Variants in PGAM2 observed in about 807,000 individuals in gnomAD.
PGAM2 encodes the protein phosphoglycerate mutase 2.
In PGAM2, 23 loss-of-function variants were observed where a neutral mutation model predicts 22.5. The ratio of observed to expected loss-of-function variants is 1.02; its 90% CI spans 0.74 to 1.45. The LOEUF (loss-of-function observed/expected upper bound fraction) is 1.45, where lower values mean the gene tolerates loss of function less well. Among genes scored for constraint, PGAM2 ranks in the 40% most tolerant of loss-of-function variants. The pLI is 0.00. For synonymous variants in PGAM2, 133 were observed against 138.6 expected, an observed-to-expected ratio of 0.96 and a Z score of 0.29; for missense variants, 349 against 356.2, an observed-to-expected ratio of 0.98 and a Z score of 0.16.
At chr7:44,064,618 G>A in intron 2 of PGAM2, 1 of 589,652 alleles carries the variant, frequency 1.7e-6, no homozygotes, top group Non-Finnish European at 3.0e-6. Context: ...AGCTTCGAGT[G>A]CAGTCAGCCC....
At position 44,064,946 on chromosome 7, in the gene PGAM2, C is replaced by A; in HGVS notation, c.481G>T (p.Ala161Ser). 1 of 1,609,484 alleles carries A rather than the reference C, an allele frequency of 6.2e-7. No homozygotes were observed. The highest frequency in any genetic ancestry group is 1.1e-5 in the South Asian group (1 of 90,818). ...PTCESLKDTI[A>S]RALPFWNEEI... ...TCGTTCCAGAAGGGCAGGGCCCGGG[C>A]AATGGTGTCCTTGAGGCTCTCGCAG... Residue 161 changes from alanine to serine, a missense_variant, in exon 2 of 3, where the codon GCC becomes TCC. Ala to Ser is a moderately conservative substitution (Grantham distance 99). Transcript: ENST00000297283.
chr7:44,064,792 T>TTG, intron 2 of PGAM2, 40 bp downstream of exon 2: 96 of 1,279,244 alleles, frequency 7.5e-5, no homozygotes, highest in Admixed American at 7.6e-5. Flanking sequence ...CTGGGGCTGC[T>TTG]GCCCACCCAC....
rs1437914746 is a variant in PGAM2 at position 44,065,439 on chromosome 7, T to A, written c.91A>T (p.Ser31Cys). The A allele has an allele frequency of 6.2e-7, 1 of 1,614,084 alleles. No homozygotes were observed. The highest frequency in any genetic ancestry group is 1.1e-5 in the South Asian group (1 of 91,086). ...RFCGWFDAEL[S>C]EKGTEEAKRG... is the part of the protein sequence containing the mutation. The stretch of plus-strand genomic sequence containing the variant: ...TTGGCCTCCTCGGTCCCCTTTTCAC[T>A]CAGCTCTGCATCGAACCAGCCACAG... The change falls in exon 1 of 3, where the codon AGT becomes TGT. Residue 31 changes from serine to cysteine, a missense_variant. Physicochemically the swap from Ser to Cys is moderately radical, Grantham distance 112. Coordinates refer to ENST00000297283, the MANE Select transcript of PGAM2 (RefSeq NM_000290.4).
rs912543676 is a variant in PGAM2, at chr7:44,062,841, G to A, written c.685C>T (p.Pro229Ser). The change falls in exon 3 of 3, where the codon CCC (proline) becomes TCC (serine). Residue 229 changes from proline to serine, a missense_variant. Physicochemically the swap from Pro to Ser is moderately conservative, Grantham distance 74. Transcript: ENST00000297283. Reference protein sequence around the residue: ...ELNKELKPTKPMQFLGDEETV... With the variant: ...ELNKELKPTKSMQFLGDEETV... Reference sequence around the variant, plus strand: ...TCCTCATCACCCAGGAACTGCATGGGCTTGGTGGGCTTCAGCTCCTTGTTC... The same window carrying A: ...TCCTCATCACCCAGGAACTGCATGGACTTGGTGGGCTTCAGCTCCTTGTTC... The A allele has an allele frequency of 3.1e-6, 5 of 1,614,100 alleles. No homozygotes were observed. In the African/African-American group the frequency reaches 6.7e-5, roughly 22 times the overall value.
At chr7:44,064,794 C>T (rs1324246092) in intron 2 of PGAM2, 38 bp downstream of exon 2, 8 of 526,640 alleles carry the variant, frequency 1.5e-5, no homozygotes, top group Non-Finnish European at 2.6e-5. Context: ...GGGGCTGCTG[C>T]CCACCCACCC....
Position 44,065,115 on chromosome 7 carries a change from C to T in PGAM2, c.414+1G>A. 6.2e-7 allele frequency: 1 copy of T among 1,613,866 alleles called. No individual in the cohort carries two copies. Among genetic ancestry groups the T allele is most frequent in the South Asian group, 1.1e-5 (1 of 91,092 alleles). ...AGGCCTTCCCAGCAAAGGCAGCCCACCTTGCTAATGGAGTTGTAGTAGGGG... is the reference window on the plus strand; with the variant it reads ...AGGCCTTCCCAGCAAAGGCAGCCCATCTTGCTAATGGAGTTGTAGTAGGGG... On this transcript the variant is annotated splice_donor_variant, in intron 1 of 2. Coordinates refer to ENST00000297283, the MANE Select transcript of PGAM2 (RefSeq NM_000290.4). LOFTEE classifies it high-confidence loss of function.
intron 2 of PGAM2, chr7:44,063,550 G>A (rs2096153185): frequency 1.2e-5 from 2 of 167,258 alleles, no homozygotes; most frequent in South Asian, 2.8e-4. Flanking sequence ...AAAGTGCTGG[G>A]ATTACAGGAG....
chr7:44,064,776 A>C, intron 2 of PGAM2, 56 bp downstream of exon 2: 1 of 1,459,578 alleles, frequency 6.9e-7, no homozygotes, highest in East Asian at 2.4e-5. Flanking sequence ...TGAGATGAGA[A>C]GCCAGCTGGG....
At chr7:44,063,186 G>A in intron 2 of PGAM2, 2 of 537,764 alleles carry the variant, frequency 3.7e-6, no homozygotes, top group East Asian at 3.5e-5. Flanking sequence ...CTGTGGTGGT[G>A]CTGTCCATAG....
Position 44,065,161 on chromosome 7 carries a change from C to G in PGAM2, c.369G>C (p.Pro123=), listed in dbSNP as rs202087044. 1.9e-6 allele frequency: 3 copies of G among 1,614,066 alleles called. No individual in the cohort carries two copies. Among genetic ancestry groups the G allele is most frequent in the Admixed American group, 3.3e-5 (2 of 60,020 alleles). ...KIWRRSFDIP[P]PPMDEKHPYY... ...AGGGGTGCTTCTCGTCCATCGGGGG[C>G]GGCGGGATGTCGAAGGAGCGCCTCC... Residue 123 remains proline (P), a synonymous_variant, in exon 1 of 3, where the codon CCG becomes CCC. Transcript: ENST00000297283.
chr7:44,064,287 C>CA (rs1491306051), intron 2 of PGAM2: 1 of 184,406 alleles, frequency 5.4e-6, no homozygotes, highest in African/African-American at 2.4e-5. Flanking sequence ...TCCTGCACCC[C>CA]TCTTTTGATT....
At chr7:44,064,400 A>G in intron 2 of PGAM2, 1 of 274,670 alleles carries the variant, frequency 3.6e-6, no homozygotes, top group Non-Finnish European at 7.1e-6. Flanking sequence ...GAGGGGTCCA[A>G]GCCTACATCA....
chr7:44,064,853 C>G lies in PGAM2; in HGVS notation c.574G>C (p.Gly192Arg). The change falls in exon 2 of 3, where the codon GGC becomes CGC. Residue 192 changes from glycine to arginine, a missense_variant. Gly to Arg is a moderately radical substitution (Grantham distance 125, BLOSUM62 -2). Coordinates refer to ENST00000297283, the MANE Select transcript of PGAM2 (RefSeq NM_000290.4). ...TCACCTTCCAGGTGCTTGACAATGC[C>G]CCGCAGGCTGTTCCCGTGGGCTGCA... ...LIAAHGNSLRGIVKHLEGMSD... is the reference protein window; with the variant it reads ...LIAAHGNSLRRIVKHLEGMSD... 6.2e-7 allele frequency: 1 copy of G among 1,609,308 alleles called. No individual in the cohort carries two copies. The highest frequency in any genetic ancestry group is 8.5e-7 in the Non-Finnish European group (1 of 1,179,016).
rs985176683 is a variant in PGAM2 at position 44,065,124 on chromosome 7, T to C, written c.406A>G (p.Ile136Val). Reference sequence around the variant, plus strand: ...CAGCAAAGGCAGCCCACCTTGCTAATGGAGTTGTAGTAGGGGTGCTTCTCG... The same window carrying C: ...CAGCAAAGGCAGCCCACCTTGCTAACGGAGTTGTAGTAGGGGTGCTTCTCG... ...MDEKHPYYNS[I>V]SKERRYAGLK... Residue 136 changes from isoleucine (I) to valine (V), a missense_variant, in exon 1 of 3, where the codon ATT becomes GTT. Physicochemically the swap from Ile to Val is conservative, Grantham distance 29 (BLOSUM62 3). Transcript: ENST00000297283. The C allele has an allele frequency of 3.6e-5, 58 of 1,613,828 alleles. No homozygotes were observed. The highest frequency in any genetic ancestry group is 4.9e-5 in the Non-Finnish European group (58 of 1,180,026).
In PGAM2 at chr7:44,065,278, A is replaced by G. The variant is rs755125202; in HGVS notation, c.252T>C (p.Thr84=). Reference sequence around the variant, plus strand: ...CGTAATGCCGCTCATTGAGGCGCCAAGTGCGCACCACAGGCAGCCACATCT... The same window carrying G: ...CGTAATGCCGCTCATTGAGGCGCCAGGTGCGCACCACAGGCAGCCACATCT... ...TDQMWLPVVR[T]WRLNERHYGG... The change falls in exon 1 of 3, where the codon ACT becomes ACC. Residue 84 remains threonine, a synonymous_variant. Coordinates refer to ENST00000297283, the MANE Select transcript of PGAM2 (RefSeq NM_000290.4). 34 of 1,613,596 alleles carry G rather than the reference A, an allele frequency of 2.1e-5. No homozygotes were observed. The highest frequency in any genetic ancestry group is 1.6e-4 in the Middle Eastern group (1 of 6,084).
intron 2 of PGAM2, 166 bp downstream of exon 2, chr7:44,064,666 A>T (rs1393326245): frequency 1.5e-5 from 10 of 670,844 alleles, no homozygotes; most frequent in Non-Finnish European, 2.1e-5. Context: ...AATGGGGAAA[A>T]TTTCACAAAA....
intron 2 of PGAM2, chr7:44,063,736 T>C (rs890041111): frequency 6.5e-6 from 1 of 153,672 alleles, no homozygotes; most frequent in Non-Finnish European, 1.4e-5. Context: ...GCTCGACCTT[T>C]GATGTTCGCG....
At chr7:44,063,293 C>A (rs1338121146) in intron 2 of PGAM2, 10 of 315,482 alleles carry the variant, frequency 3.2e-5, no homozygotes, top group South Asian at 2.6e-4. Flanking sequence ...TTTTCTTTTT[C>A]TTTTTTTTGA....
rs529371882 is a variant in PGAM2 at position 44,065,502 on chromosome 7, G to T, written c.28C>A (p.Arg10=). Reference sequence around the variant, plus strand: ...TGGTTCCATGTGCTCTCGCCGTGCCGGACCATCACGAGGCGGTGAGTGGCC... The same window carrying T: ...TGGTTCCATGTGCTCTCGCCGTGCCTGACCATCACGAGGCGGTGAGTGGCC... MATHRLVMV[R]HGESTWNQEN... The change falls in exon 1 of 3, where the codon CGG becomes AGG. Residue 10 remains arginine (R), a synonymous_variant. Coordinates refer to ENST00000297283, the MANE Select transcript of PGAM2 (RefSeq NM_000290.4). The T allele has an allele frequency of 6.2e-7, 1 of 1,613,890 alleles. No individual in the cohort carries two copies. The highest frequency in any genetic ancestry group is 1.3e-5 in the African/African-American group (1 of 74,924).
Sources: gnomAD v4.1 joint callset for allele counts on GRCh38, gnomAD v4.1.1 for gene constraint, MANE v1.5 for transcripts, NCBI Gene and HGNC (gene_info 2026-07-23, HGNC 2026-07-21) for gene names.